The following DCC variants were observed in gnomAD, a reference collection of about 807,000 sequenced individuals.
DCC encodes DCC netrin 1 receptor, also known as netrin receptor DCC.
A neutral mutation model predicts 172.5 loss-of-function variants in DCC; 58 were observed. The observed-to-expected ratio is 0.34, with a 90% CI of 0.27 to 0.42. The LOEUF (loss-of-function observed/expected upper bound fraction) is 0.42, where lower values mean the gene tolerates loss of function less well. Ranked by LOEUF, DCC falls within the 10% of genes least tolerant of loss-of-function variation. The probability of loss-of-function intolerance (pLI) is 1.00; values close to 1 mark genes in which losing one functional copy is unlikely to be tolerated. For missense variants in DCC, 1,740 were observed against 1,791.0 expected (o/e 0.97, Z 0.51); for synonymous variants, 709 against 644.5 (o/e 1.10, Z -1.52).
intron 5 of DCC, among the ~76,000 whole-genome samples, chr18:52,936,610 G>C (rs1156452628): frequency 1.7e-5 from 1 of 57,332 alleles, no homozygotes; most frequent in Non-Finnish European, 5.2e-5. Flanking sequence ...CATTAAAAAG[G>C]CAATCTAAGA....
chr18:53,325,636 G>C (rs2057459509), intron 14 of DCC, among the ~76,000 whole-genome samples: 1 of 152,174 alleles, frequency 6.6e-6, no homozygotes, highest in African/African-American at 2.4e-5. Context: ...TCTATGCCAT[G>C]CTCATGAGAG....
At chr18:53,094,971 A>G (rs921594892) in intron 7 of DCC, among the ~76,000 whole-genome samples, 2 of 152,182 alleles carry the variant, frequency 1.3e-5, no homozygotes, top group Non-Finnish European at 2.9e-5. Context: ...ATGAAAGCTT[A>G]TCATTTATGA....
At chr18:53,107,541 G>GAA (rs11458727) in intron 7 of DCC, among the ~76,000 whole-genome samples, 3,826 of 137,510 alleles carry the variant, frequency 0.028, 82 homozygotes, top group Non-Finnish European at 0.041. Flanking sequence ...AAAAAGGAAG[G>GAA]AAAAAAAAAA....
intron 5 of DCC, among the ~76,000 whole-genome samples, chr18:52,955,972 T>A (rs978859707): frequency 1.1e-4 from 17 of 151,982 alleles, no homozygotes; most frequent in Middle Eastern, 3.4e-3. Flanking sequence ...TTTTTTTTTT[T>A]AAATCAGTTG....
At chr18:52,992,411 C>T (rs189611535) in intron 5 of DCC, among the ~76,000 whole-genome samples, 6 of 152,078 alleles carry the variant, frequency 3.9e-5, no homozygotes, top group East Asian at 1.9e-4. Flanking sequence ...CTGTAGAAAC[C>T]GTTTTGGGGA....
intron 5 of DCC, among the ~76,000 whole-genome samples, chr18:53,026,581 G>A (rs771244210): frequency 1.3e-5 from 2 of 151,878 alleles, no homozygotes; most frequent in Non-Finnish European, 2.9e-5. Flanking sequence ...TTATAGACAG[G>A]GTATCTCTCT....
intron 1 of DCC, among the ~76,000 whole-genome samples, chr18:52,677,731 G>GA (rs1301659626): frequency 3.3e-5 from 5 of 152,030 alleles, no homozygotes; most frequent in Non-Finnish European, 5.9e-5. Context: ...AAATAGAGAA[G>GA]AAAAAAAATT....
At chr18:53,403,704 T>C (rs569424786) in intron 19 of DCC, among the ~76,000 whole-genome samples, 42 of 120,410 alleles carry the variant, frequency 3.5e-4, no homozygotes, top group African/African-American at 9.0e-4. Flanking sequence ...ACTCCTTTTT[T>C]CCTTCTTTTT....
intron 2 of DCC, among the ~76,000 whole-genome samples, chr18:52,836,891 T>C (rs1467018654): frequency 6.6e-6 from 1 of 152,246 alleles, no homozygotes; most frequent in East Asian, 1.9e-4. Context: ...TCCATAGGGC[T>C]CTGCCTTTGC....
intron 14 of DCC, among the ~76,000 whole-genome samples, chr18:53,326,309 G>A (rs8097689): frequency 0.96 from 146,933 of 152,284 alleles, 71,120 homozygotes; most frequent in Middle Eastern, 1. Context: ...AATGAAAACT[G>A]AAAGCCATTT....
intron 21 of DCC, among the ~76,000 whole-genome samples, chr18:53,427,961 TA>T (rs1385746270): frequency 2.2e-5 from 1 of 45,842 alleles, no homozygotes; most frequent in African/African-American, 5.7e-5. Flanking sequence ...TATAATATAA[TA>T]ATATAATATA....
At chr18:53,267,721 C>T (rs932926433) in intron 12 of DCC, among the ~76,000 whole-genome samples, 2 of 152,138 alleles carry the variant, frequency 1.3e-5, no homozygotes, top group Non-Finnish European at 2.9e-5. Context: ...CTGACTTGGT[C>T]TCCCCAAATG....
intron 1 of DCC, among the ~76,000 whole-genome samples, chr18:52,654,365 G>A (rs1384961675): frequency 6.6e-6 from 1 of 152,162 alleles, no homozygotes; most frequent in Non-Finnish European, 1.5e-5. Flanking sequence ...CAGAAATGGG[G>A]AGGAAAGCAT....
chr18:53,264,281 G>A (rs933426392), intron 12 of DCC, among the ~76,000 whole-genome samples: 1 of 151,950 alleles, frequency 6.6e-6, no homozygotes, highest in African/African-American at 2.4e-5. Context: ...GAGGTCAGGA[G>A]TTCAAGACCA....
chr18:52,446,569 A>G (rs145995333), intron 1 of DCC, among the ~76,000 whole-genome samples: 146 of 152,314 alleles, frequency 9.6e-4, no homozygotes, highest in South Asian at 3.7e-3. Context: ...CCTAAAGAAT[A>G]CTTTTATAGG....
At chr18:53,482,109 C>T (rs972354785) in intron 25 of DCC, among the ~76,000 whole-genome samples, 3 of 151,834 alleles carry the variant, frequency 2.0e-5, no homozygotes, top group South Asian at 2.1e-4. Flanking sequence ...TCAAAACTGA[C>T]GTCAAGGGGA....
chr18:53,249,363 A>G (rs764960070), intron 12 of DCC, among the ~76,000 whole-genome samples: 1 of 151,968 alleles, frequency 6.6e-6, no homozygotes, highest in Non-Finnish European at 1.5e-5. Flanking sequence ...GAGAAGTCTC[A>G]GGCTAAATAT....
chr18:53,206,861 A>T (rs2055658619), intron 10 of DCC, among the ~76,000 whole-genome samples: 1 of 151,684 alleles, frequency 6.6e-6, no homozygotes, highest in South Asian at 2.1e-4. Flanking sequence ...AAACTGCATG[A>T]TCAGAATTTT....
intron 14 of DCC, among the ~76,000 whole-genome samples, chr18:53,323,749 A>C (rs1441069499): frequency 6.6e-6 from 1 of 152,174 alleles, no homozygotes; most frequent in East Asian, 1.9e-4. Context: ...ACAGACTTGC[A>C]TTTAAATTGA....
Sources: allele counts gnomAD v4.1 joint callset (sites outside exome capture counted in the v4.1 genomes callset), GRCh38; gene constraint gnomAD v4.1.1; transcripts MANE v1.5; gene names NCBI Gene and HGNC (gene_info 2026-07-23, HGNC 2026-07-21).